Variants in PPP6R3 observed in about 807,000 individuals in gnomAD.
PPP6R3 encodes the protein protein phosphatase 6 regulatory subunit 3, also known as serine/threonine-protein phosphatase 6 regulatory subunit 3.
In PPP6R3, 38 loss-of-function variants were observed where a neutral mutation model predicts 110.7. The observed-to-expected ratio is 0.34, with a 90% CI of 0.26 to 0.45. The LOEUF (loss-of-function observed/expected upper bound fraction) is 0.45. Ranked by LOEUF, PPP6R3 falls within the 20% of genes least tolerant of loss-of-function variation. The probability of loss-of-function intolerance (pLI) is 1.00; values close to 1 mark genes in which losing one functional copy is unlikely to be tolerated. For synonymous variants in PPP6R3, 369 were observed against 373.5 expected, an observed-to-expected ratio of 0.99 and a Z score of 0.14; for missense variants, 870 against 1,062.4, an observed-to-expected ratio of 0.82 and a Z score of 2.52.
chr11:68,525,268 G>A (rs570822455), intron 2 of PPP6R3, among the ~76,000 whole-genome samples: 4 of 152,302 alleles, frequency 2.6e-5, no homozygotes, highest in Admixed American at 6.5e-5. Flanking sequence ...AGTATGGTAG[G>A]CACCTAATAA....
intron 1 of PPP6R3, among the ~76,000 whole-genome samples, chr11:68,517,289 G>A (rs1176740653): frequency 6.6e-6 from 1 of 151,896 alleles, no homozygotes; most frequent in Non-Finnish European, 1.5e-5. Flanking sequence ...GTAATCCTTG[G>A]TTTTCATTCA....
chr11:68,547,780 A>G (rs1255477028), intron 4 of PPP6R3, among the ~76,000 whole-genome samples: 2 of 152,256 alleles, frequency 1.3e-5, no homozygotes, highest in African/African-American at 2.4e-5. Flanking sequence ...TTTGATCACC[A>G]TTCTTTGAGA....
rs115015036 is a variant in PPP6R3 at position 68,520,025 on chromosome 11, C to T, written c.-7+374C>T. Among the ~76,000 whole-genome samples, 436 of 152,288 alleles carry T rather than the reference C, an allele frequency of 2.9e-3. 4 individuals carry two copies. Among genetic ancestry groups the T allele is most frequent in the African/African-American group, 9.7e-3 (402 of 41,556 alleles). ...TGTGTTTGTTTTTGTTTTATACCAG[C>T]GAAAGGACGTTTGACTTCTGGTCAG... On this transcript the variant is annotated intron_variant, in intron 2 of 23. Transcript: ENST00000393800.
intron 5 of PPP6R3, among the ~76,000 whole-genome samples, chr11:68,550,344 C>A (rs556505294): frequency 8.6e-4 from 131 of 152,192 alleles, no homozygotes; most frequent in African/African-American, 3.1e-3. Flanking sequence ...CCCCGCTGCC[C>A]GCCCTAGTCT....
intron 2 of PPP6R3, among the ~76,000 whole-genome samples, chr11:68,527,419 G>A (rs2099204996): frequency 6.6e-6 from 1 of 152,048 alleles, no homozygotes. Flanking sequence ...TCTCTACAGT[G>A]CCCCACCTCA....
At chr11:68,573,153 T>TA (rs1555174153) in intron 12 of PPP6R3, among the ~76,000 whole-genome samples, 1 of 103,624 alleles carries the variant, frequency 9.7e-6, no homozygotes, top group African/African-American at 3.8e-5. Context: ...TATATATATA[T>TA]AATTTTTTTT....
At chr11:68,609,222 CT>C (rs988440959) in intron 22 of PPP6R3, among the ~76,000 whole-genome samples, 98 of 152,274 alleles carry the variant, frequency 6.4e-4, no homozygotes, top group African/African-American at 2.2e-3. Flanking sequence ...CCTTCTGGGT[CT>C]CATTTTACCC....
At chr11:68,584,169 G>T (rs1023257160) in intron 15 of PPP6R3, among the ~76,000 whole-genome samples, 1 of 152,218 alleles carries the variant, frequency 6.6e-6, no homozygotes, top group Non-Finnish European at 1.5e-5. Flanking sequence ...ATTTCCGGAG[G>T]TTAGGGTCAG....
chr11:68,514,858 T>TA lies in PPP6R3; in HGVS notation c.-157-4642dup, dbSNP rs1388815005. On this transcript the variant is annotated intron_variant, in intron 1 of 23. Transcript: ENST00000393800. ...CCTTGGCCTCCCAAAGTGCTGGGAT[T>TA]ACAGGAGTGAGCCACCATGCCTGGC... Among the ~76,000 whole-genome samples the TA allele has an allele frequency of 1.5e-4, 23 of 152,278 alleles. No individual in the cohort carries two copies. In the East Asian group the frequency reaches 2.1e-3, roughly 14 times the overall value.
At chr11:68,471,983 C>T (rs554794328) in intron 1 of PPP6R3, among the ~76,000 whole-genome samples, 5 of 150,552 alleles carry the variant, frequency 3.3e-5, no homozygotes, top group East Asian at 1.9e-4. Context: ...TCAGGGCTGG[C>T]GGGGTGTGAG....
intron 1 of PPP6R3, among the ~76,000 whole-genome samples, chr11:68,478,607 A>ATAAT (rs2098858237): frequency 7.8e-6 from 1 of 128,004 alleles, no homozygotes; most frequent in Non-Finnish European, 1.6e-5. Context: ...ATTATAGTTT[A>ATAAT]TAATTTGACT....
chr11:68,462,038 T>C (rs1168747087), intron 1 of PPP6R3, among the ~76,000 whole-genome samples: 3 of 152,174 alleles, frequency 2.0e-5, no homozygotes, highest in Non-Finnish European at 4.4e-5. Flanking sequence ...TCTTTTTTTT[T>C]CTCTGTAGTA....
At chr11:68,546,523 A>G (rs1055414942) in intron 4 of PPP6R3, among the ~76,000 whole-genome samples, 1 of 152,340 alleles carries the variant, frequency 6.6e-6, no homozygotes, top group South Asian at 2.1e-4. Context: ...TGTATGAATG[A>G]TAGCAAGAGG....
chr11:68,516,326 A>G (rs568402136), intron 1 of PPP6R3, among the ~76,000 whole-genome samples: 4 of 152,206 alleles, frequency 2.6e-5, no homozygotes, highest in Non-Finnish European at 5.9e-5. Context: ...ATGTGACCTC[A>G]TGTGACTGGT....
At chr11:68,474,964 G>C (rs1209099655) in intron 1 of PPP6R3, among the ~76,000 whole-genome samples, 1 of 151,542 alleles carries the variant, frequency 6.6e-6, no homozygotes, top group African/African-American at 2.4e-5. Context: ...TTCTCGCAGA[G>C]GGGGATTTGG....
In PPP6R3 at chr11:68,493,556, C is replaced by T. The variant is rs551768209; in HGVS notation, c.-157-25945C>T. Among the ~76,000 whole-genome samples the T allele has an allele frequency of 9.4e-5, 14 of 149,262 alleles. No individual in the cohort carries two copies. In the East Asian group the frequency reaches 2.5e-3, roughly 27 times the overall value. On this transcript the variant is annotated intron_variant, in intron 1 of 23. Transcript: ENST00000393800. ...AAAGTGATCCTCCTGCTACAGCCTC[C>T]CAGTAGCTAGGACAATAGGTGTGAG...
Position 68,558,692 on chromosome 11 carries a change from T to A in PPP6R3, c.845+13T>A, listed in dbSNP as rs1187744071. On this transcript the variant is annotated intron_variant, in intron 8 of 23. Coordinates refer to ENST00000393800, the MANE Select transcript of PPP6R3 (RefSeq NM_001164161.2). ...CACGACGACCAACGTAAGCTTTTCT[T>A]ATATCTTACAAAATGAACCATGTTG... The A allele has an allele frequency of 6.4e-7, 1 of 1,564,252 alleles. No homozygotes were observed. Among genetic ancestry groups the A allele is most frequent in the Non-Finnish European group, 8.8e-7 (1 of 1,137,804 alleles).
At chr11:68,590,820 A>G (rs2099592867) in intron 17 of PPP6R3, 106 bp downstream of exon 17, 1 of 1,289,244 alleles carries the variant, frequency 7.8e-7, no homozygotes, top group African/African-American at 1.5e-5. Context: ...CTAGAGCCCT[A>G]ATCCTAAATT....
At chr11:68,490,571 T>TA (rs905688633) in intron 1 of PPP6R3, among the ~76,000 whole-genome samples, 1 of 152,152 alleles carries the variant, frequency 6.6e-6, no homozygotes, top group African/African-American at 2.4e-5. Flanking sequence ...TTCCAGATAT[T>TA]ACCATCACAT....
Sources: allele counts gnomAD v4.1 joint callset (sites outside exome capture counted in the v4.1 genomes callset), GRCh38; gene constraint gnomAD v4.1.1; transcripts MANE v1.5; gene names NCBI Gene and HGNC (gene_info 2026-07-23, HGNC 2026-07-21).